NRF1: variants seen among roughly 807,000 people sequenced by gnomAD.
The protein encoded by NRF1 is nuclear respiratory factor 1, also known as alpha palindromic-binding protein.
Under a neutral mutation model 58.5 loss-of-function variants are expected in NRF1, and 5 were observed. The observed-to-expected ratio is 0.09, with a 90% confidence interval of 0.04 to 0.18. The LOEUF is 0.18. Among genes scored for constraint, NRF1 ranks in the 10% least tolerant of loss-of-function variants. The pLI is 1.00. For synonymous variants in NRF1, 224 were observed against 246.7 expected (o/e 0.91, Z 0.86); for missense variants, 288 against 657.7 (o/e 0.44, Z 6.15).
intron 1 of NRF1, among the ~76,000 whole-genome samples, chr7:129,654,559 C>A (rs1801609073): frequency 6.6e-6 from 1 of 152,138 alleles, no homozygotes; most frequent in South Asian, 2.1e-4. Context: ...ACTAGATTTT[C>A]TCCTATGTTA....
intron 1 of NRF1, among the ~76,000 whole-genome samples, chr7:129,645,233 C>T (rs1375283014): frequency 6.6e-6 from 1 of 152,184 alleles, no homozygotes; most frequent in African/African-American, 2.4e-5. Flanking sequence ...CTGTTATTTT[C>T]CTTCATTTGA....
At chr7:129,694,587 T>C (rs1802644530) in intron 5 of NRF1, among the ~76,000 whole-genome samples, 1 of 152,176 alleles carries the variant, frequency 6.6e-6, no homozygotes, top group Non-Finnish European at 1.5e-5. Flanking sequence ...AGACTGCTCT[T>C]GAACTCCTGA....
At chr7:129,726,122 G>A (rs772810902) in intron 9 of NRF1, among the ~76,000 whole-genome samples, 11 of 152,158 alleles carry the variant, frequency 7.2e-5, no homozygotes, top group Non-Finnish European at 1.5e-4. Context: ...AAGCTGACTC[G>A]ACTGGCTTAT....
chr7:129,653,501 T>G (rs1475838069), intron 1 of NRF1, among the ~76,000 whole-genome samples: 4 of 152,180 alleles, frequency 2.6e-5, no homozygotes, highest in Non-Finnish European at 5.9e-5. Context: ...CATGGTATTG[T>G]ACATTACATA....
chr7:129,636,304 G>A (rs1191934906), intron 1 of NRF1, among the ~76,000 whole-genome samples: 2 of 150,860 alleles, frequency 1.3e-5, no homozygotes, highest in African/African-American at 4.9e-5. Context: ...GTGTGATCTC[G>A]GCTCACTGCA....
intron 10 of NRF1, among the ~76,000 whole-genome samples, chr7:129,727,879 G>A (rs1246701913): frequency 6.6e-6 from 1 of 152,148 alleles, no homozygotes; most frequent in East Asian, 1.9e-4. Context: ...GTAGCCTCAC[G>A]AAGGACCTTT....
chr7:129,720,257 G>T (rs1803289502), intron 9 of NRF1, among the ~76,000 whole-genome samples: 1 of 152,216 alleles, frequency 6.6e-6, no homozygotes, highest in Non-Finnish European at 1.5e-5. Context: ...GACTATAGCA[G>T]ACTATTAGGG....
chr7:129,695,983 GA>G (rs1249553503), intron 5 of NRF1, among the ~76,000 whole-genome samples: 5 of 149,354 alleles, frequency 3.3e-5, no homozygotes, highest in Admixed American at 2.7e-4. Flanking sequence ...AGCACTTTGG[GA>G]GGCCGAGGCA....
At position 129,717,392 on chromosome 7, in the gene NRF1, TG is replaced by T. The variant is rs942010655; in HGVS notation, c.1223+19del. The T allele has an allele frequency of 2.5e-6, 4 of 1,592,720 alleles. No individual in the cohort carries two copies. The highest frequency in any genetic ancestry group is 3.4e-6 in the Non-Finnish European group (4 of 1,169,360). On this transcript the variant is annotated intron_variant, in intron 9 of 10. Transcript: ENST00000393232. Reference sequence around the variant, plus strand: ...CGCTTAACAGGTGGTGGCAAGAGTGTGGGAATAAGTGAGGATCGCAAATCTG... The same window carrying T: ...CGCTTAACAGGTGGTGGCAAGAGTGTGGAATAAGTGAGGATCGCAAATCTG...
intron 9 of NRF1, among the ~76,000 whole-genome samples, chr7:129,719,059 G>A (rs1433158530): frequency 1.3e-5 from 2 of 152,070 alleles, no homozygotes; most frequent in Admixed American, 1.3e-4. Context: ...TAGAAGATCA[G>A]TTAGGAAGAG....
In NRF1 at chr7:129,757,043, T is replaced by C. The variant is rs915578296; in HGVS notation, c.*1862T>C. 6 of 152,758 alleles carry C rather than the reference T, an allele frequency of 3.9e-5. No homozygotes were observed. In the East Asian group the frequency reaches 9.6e-4, roughly 25 times the overall value. 9.5% of individuals were successfully genotyped at this position (152,758 alleles called of 1,614,324 possible). On this transcript the variant is annotated 3_prime_UTR_variant, in exon 11 of 11. Transcript: ENST00000393232. ...TGTTGTTTCCCATTCTGTCTTTGAC[T>C]GCCTCATTCAATAAATAGTTAAAAA...
intron 1 of NRF1, among the ~76,000 whole-genome samples, chr7:129,642,072 A>G (rs1287398984): frequency 5.3e-5 from 8 of 149,856 alleles, no homozygotes; most frequent in Non-Finnish European, 7.4e-5. Context: ...TCCGCCTCCC[A>G]GGTTCCAGCA....
At position 129,677,717 on chromosome 7, in the gene NRF1, C is replaced by G; in HGVS notation, c.424C>G (p.Pro142Ala). 1 of 1,614,076 alleles carries G rather than the reference C, an allele frequency of 6.2e-7. No homozygotes were observed. Among genetic ancestry groups the G allele is most frequent in the Non-Finnish European group, 8.5e-7 (1 of 1,179,966 alleles). The change falls in exon 4 of 11, where the codon CCT (proline) becomes GCT (alanine). Residue 142 changes from proline to alanine, a missense_variant. Physicochemically the swap from Pro to Ala is conservative, Grantham distance 27. Coordinates refer to ENST00000393232, the MANE Select transcript of NRF1 (RefSeq NM_005011.5). ...CTGTATCTCACCCTCCAAACCTAAC[C>G]CTGTCTTTAAAGTGTTTGGTGCAGC... ...VLCISPSKPNPVFKVFGAAPL... is the reference protein window; with the variant it reads ...VLCISPSKPNAVFKVFGAAPL...
intron 10 of NRF1, among the ~76,000 whole-genome samples, chr7:129,740,472 A>C (rs1803820760): frequency 6.6e-6 from 1 of 152,140 alleles, no homozygotes; most frequent in Non-Finnish European, 1.5e-5. Flanking sequence ...AAGGATCCCT[A>C]CTTCGGGAAG....
intron 1 of NRF1, 128 bp from the exon 2 acceptor site, chr7:129,657,218 G>A: frequency 1.5e-6 from 1 of 652,920 alleles, no homozygotes. Flanking sequence ...ACTTGGTGTG[G>A]CACGGTAAGT....
intron 1 of NRF1, among the ~76,000 whole-genome samples, chr7:129,653,559 A>G (rs1047277647): frequency 6.6e-6 from 1 of 152,204 alleles, no homozygotes; most frequent in African/African-American, 2.4e-5. Flanking sequence ...ATGGATTTGA[A>G]CAAATGTATA....
chr7:129,708,205 T>A (rs918089703), intron 5 of NRF1, among the ~76,000 whole-genome samples: 3 of 152,126 alleles, frequency 2.0e-5, no homozygotes, highest in Non-Finnish European at 4.4e-5. Flanking sequence ...GAGGAATAGA[T>A]CATAAATTGA....
At position 129,677,212 on chromosome 7, in the gene NRF1, C is replaced by G. The variant is rs1251325175; in HGVS notation, c.339-420C>G. Among the ~76,000 whole-genome samples, 4 of 152,004 alleles carry G rather than the reference C, an allele frequency of 2.6e-5. No homozygotes were observed. The East Asian group carries it at 5.8e-4, about 22-fold the overall frequency. On this transcript the variant is annotated intron_variant, in intron 3 of 10. Transcript: ENST00000393232. Reference sequence around the variant, plus strand: ...ATTTTTAGTAGAGACGGGTTTTACACCATGTTGGCCAGGCTGGTCTCGAAC... The same window carrying G: ...ATTTTTAGTAGAGACGGGTTTTACAGCATGTTGGCCAGGCTGGTCTCGAAC...
chr7:129,622,558 T>C (rs927938860), intron 1 of NRF1, among the ~76,000 whole-genome samples: 2 of 144,930 alleles, frequency 1.4e-5, no homozygotes, highest in Admixed American at 1.4e-4. Flanking sequence ...GATATTTTTC[T>C]TTCTTTTCTT....
Sources: gnomAD v4.1 joint callset for allele counts (sites outside exome capture counted in the v4.1 genomes callset) on GRCh38, gnomAD v4.1.1 for gene constraint, MANE v1.5 for transcripts, NCBI Gene and HGNC (gene_info 2026-07-23, HGNC 2026-07-21) for gene names.